NCOA1: variants seen among roughly 807,000 people sequenced by gnomAD.
NCOA1 encodes the protein Hin-2 protein.
A neutral mutation model predicts 150.9 loss-of-function variants in NCOA1; 35 were observed. The ratio of observed to expected loss-of-function variants is 0.23; its 90% CI spans 0.18 to 0.31. The LOEUF is 0.31. NCOA1 is among the 10% of genes least tolerant of loss of function. The pLI is 1.00. For missense variants in NCOA1, 1,491 were observed against 1,749.3 expected, an observed-to-expected ratio of 0.85 and a Z score of 2.63; for synonymous variants, 590 against 630.0, an observed-to-expected ratio of 0.94 and a Z score of 0.95.
At chr2:24,565,654 C>G (rs1417988982) in intron 2 of NCOA1, among the ~76,000 whole-genome samples, 1 of 152,210 alleles carries the variant, frequency 6.6e-6, no homozygotes, top group Non-Finnish European at 1.5e-5. Context: ...AGTGGGCCCA[C>G]TCAGCCTGGC....
rs961858594 is a variant in NCOA1 at position 24,742,138 on chromosome 2, G to A, written c.3658G>A (p.Gly1220Arg). The A allele has an allele frequency of 1.2e-6, 2 of 1,613,950 alleles. No individual in the cohort carries two copies. Among genetic ancestry groups the A allele is most frequent in the African/African-American group, 2.7e-5 (2 of 75,054 alleles). Reference sequence around the variant, plus strand: ...AAACATAGGAGGACAGTTTGGCACTGGAATCAATCCTCAGATGCAGCAGAA... The same window carrying A: ...AAACATAGGAGGACAGTTTGGCACTAGAATCAATCCTCAGATGCAGCAGAA... Reference protein sequence around the residue: ...TGNIGGQFGTGINPQMQQNVF... With the variant: ...TGNIGGQFGTRINPQMQQNVF... The change falls in exon 19 of 23, where the codon GGA (glycine) becomes AGA (arginine). Residue 1220 changes from glycine (G) to arginine (R), a missense_variant. Gly to Arg is a moderately radical substitution (Grantham distance 125). Around this residue, in one of 8 missense-constraint regions of NCOA1, gnomAD observed 485 missense variants for 522.8 expected, o/e 0.93. Transcript: ENST00000348332.
intron 3 of NCOA1, among the ~76,000 whole-genome samples, chr2:24,590,991 A>G (rs1387509475): frequency 6.6e-6 from 1 of 152,214 alleles, no homozygotes; most frequent in East Asian, 1.9e-4. Flanking sequence ...CTAGTGGAGC[A>G]CCTGTCATGA....
intron 17 of NCOA1, among the ~76,000 whole-genome samples, chr2:24,738,059 A>G (rs1663415446): frequency 6.6e-6 from 1 of 152,080 alleles, no homozygotes; most frequent in Non-Finnish European, 1.5e-5. Flanking sequence ...AACTTATTCC[A>G]CAATGCCTTA....
At chr2:24,765,726 C>T (rs1017074830) in intron 22 of NCOA1, among the ~76,000 whole-genome samples, 1 of 152,152 alleles carries the variant, frequency 6.6e-6, no homozygotes, top group African/African-American at 2.4e-5. Flanking sequence ...AGTCTTCTCA[C>T]CTGGAAGATC....
intron 3 of NCOA1, among the ~76,000 whole-genome samples, chr2:24,614,196 A>ATTGTTTTTTTTTT (rs1558840251): frequency 7.6e-5 from 1 of 13,160 alleles, no homozygotes; most frequent in Admixed American, 1.1e-3. Context: ...ATTCATTTCC[A>ATTGTTTTTTTTTT]TTCTTTTTTT....
At chr2:24,645,335 CA>C (rs549749004) in intron 4 of NCOA1, among the ~76,000 whole-genome samples, 5,039 of 80,326 alleles carry the variant, frequency 0.063, 105 homozygotes, top group East Asian at 0.14. Context: ...ACTAAAAATA[CA>C]AAAAAAAAAA....
chr2:24,629,819 T>C lies in NCOA1; in HGVS notation c.-174-14147T>C, dbSNP rs895574680. ...CACTGTTTTAAGTAACATACATACA[T>C]ATATATATATATATATATATATATA... On this transcript the variant is annotated intron_variant, in intron 3 of 22. Coordinates refer to ENST00000348332, the MANE Select transcript of NCOA1 (RefSeq NM_003743.5). 4.7e-4 allele frequency among the ~76,000 whole-genome samples: 44 copies of C among 94,468 alleles called. 1 individual carries two copies. The highest frequency in any genetic ancestry group is 3.8e-3 in the African/African-American group (43 of 11,276). 62.0% of individuals were successfully genotyped at this position (94,468 alleles called of 152,430 possible).
Position 24,491,342 on chromosome 2 carries a change from A to T in NCOA1, c.-656A>T, listed in dbSNP as rs985957410. Among the ~76,000 whole-genome samples, 1 of 147,556 alleles carries T rather than the reference A, an allele frequency of 6.8e-6. No homozygotes were observed. The highest frequency in any genetic ancestry group is 1.5e-5 in the Non-Finnish European group (1 of 66,392). On this transcript the variant is annotated 5_prime_UTR_variant, in exon 1 of 23. The change abolishes the stop of an existing upstream ORF in the 5' untranslated region. Transcript: ENST00000348332. ...TTCAGGCCGGGCGAGCGGGAGTCTG[A>T]CGCGATTTGCTGAGCTCTGTCCTCC...
At chr2:24,656,576 A>T (rs527374336) in intron 4 of NCOA1, among the ~76,000 whole-genome samples, 1 of 152,320 alleles carries the variant, frequency 6.6e-6, no homozygotes, top group African/African-American at 2.4e-5. Flanking sequence ...TCTCATATTT[A>T]GCTATACTTT....
At chr2:24,652,812 A>G (rs1423348356) in intron 4 of NCOA1, among the ~76,000 whole-genome samples, 1 of 152,166 alleles carries the variant, frequency 6.6e-6, no homozygotes, top group Non-Finnish European at 1.5e-5. Context: ...TTAAATAGTG[A>G]TATGCAAATT....
At chr2:24,579,195 C>A (rs1260479759) in intron 2 of NCOA1, among the ~76,000 whole-genome samples, 3 of 152,070 alleles carry the variant, frequency 2.0e-5, no homozygotes, top group African/African-American at 7.2e-5. Context: ...GGAATTTGAA[C>A]TGGGGTTTGC....
At chr2:24,656,147 A>G (rs1460459298) in intron 4 of NCOA1, among the ~76,000 whole-genome samples, 1 of 151,818 alleles carries the variant, frequency 6.6e-6, no homozygotes, top group Non-Finnish European at 1.5e-5. Context: ...CATGCAGGAT[A>G]TGAGAGAAGA....
chr2:24,500,843 T>A (rs2148074143), intron 1 of NCOA1, among the ~76,000 whole-genome samples: 1 of 152,326 alleles, frequency 6.6e-6, no homozygotes, highest in Middle Eastern at 3.4e-3. Flanking sequence ...TAACTACCTT[T>A]CAGAACAACA....
intron 7 of NCOA1, among the ~76,000 whole-genome samples, chr2:24,676,133 A>T (rs1187808027): frequency 6.6e-6 from 1 of 152,188 alleles, no homozygotes; most frequent in Non-Finnish European, 1.5e-5. Context: ...TTGGAACAGC[A>T]ATGAAAAATG....
At chr2:24,585,537 A>G (rs2148320038) in intron 3 of NCOA1, among the ~76,000 whole-genome samples, 1 of 152,268 alleles carries the variant, frequency 6.6e-6, no homozygotes, top group Non-Finnish European at 1.5e-5. Flanking sequence ...AGATTAAAAA[A>G]GGAATGCCAC....
intron 8 of NCOA1, among the ~76,000 whole-genome samples, chr2:24,688,393 C>T (rs1341205995): frequency 1.3e-5 from 2 of 152,110 alleles, no homozygotes; most frequent in Admixed American, 6.6e-5. Flanking sequence ...TTCCCGTTTG[C>T]CCACAGCCTT....
At chr2:24,666,897 A>G (rs1671456881) in intron 6 of NCOA1, among the ~76,000 whole-genome samples, 1 of 152,156 alleles carries the variant, frequency 6.6e-6, no homozygotes, top group African/African-American at 2.4e-5. Flanking sequence ...CTGGAACCCC[A>G]TACCATCAAA....
At chr2:24,673,509 A>G in intron 7 of NCOA1, 46 bp downstream of exon 7, 2 of 1,399,540 alleles carry the variant, frequency 1.4e-6, no homozygotes, top group Non-Finnish European at 2.0e-6. Flanking sequence ...TCTTTGTTGT[A>G]GCCAGTTTGG....
At chr2:24,699,122 G>T (rs1673036487) in intron 11 of NCOA1, among the ~76,000 whole-genome samples, 1 of 152,190 alleles carries the variant, frequency 6.6e-6, no homozygotes, top group Non-Finnish European at 1.5e-5. Context: ...TGTGAACTTT[G>T]TGATTTCCTC....
Sources: allele counts gnomAD v4.1 joint callset (sites outside exome capture counted in the v4.1 genomes callset), GRCh38; gene constraint gnomAD v4.1.1; regional missense constraint gnomAD v4.1.1; transcripts MANE v1.5; gene names NCBI Gene and HGNC (gene_info 2026-07-23, HGNC 2026-07-21).